Variants in CLCN7 observed in about 807,000 individuals in gnomAD.
CLCN7 encodes the protein H(+)/Cl(-) exchange transporter 7.
In CLCN7, 60 loss-of-function variants were observed where a neutral mutation model predicts 102.1. That is an observed-to-expected ratio of 0.59 (90% CI 0.48 to 0.73). The LOEUF is 0.73. CLCN7 is among the 30% of genes least tolerant of loss of function. CLCN7 has a pLI of 0.00. For synonymous variants in CLCN7, 560 were observed against 490.5 expected, an observed-to-expected ratio of 1.14 and a Z score of -1.87; for missense variants, 962 against 1,125.7, an observed-to-expected ratio of 0.85 and a Z score of 2.08.
chr16:1,471,597 G>C (rs1222901457), intron 1 of CLCN7: 1 of 152,258 alleles, frequency 6.6e-6, no homozygotes, highest in African/African-American at 2.4e-5. Flanking sequence ...TGTGTTGCTG[G>C]TTTTAACACG....
At position 1,465,414 on chromosome 16, in the gene CLCN7, G is replaced by T. The variant is rs12927645; in HGVS notation, c.142-76C>A. On this transcript the variant is annotated intron_variant, in intron 1 of 24. Transcript: ENST00000382745. ...TCCGTGGATTCTCACTCCCGCCGCC[G>T]CACCCTGGCCTCGCCTGACCCTGCC... 170,926 of 1,341,190 alleles carry T rather than the reference G, an allele frequency of 0.13. 12,007 individuals carry two copies. Among genetic ancestry groups the T allele is most frequent in the African/African-American group, 0.22 (14,955 of 69,098 alleles). The allele number at this position is 1,341,190 out of a possible 1,614,324, so 83.1% of individuals were successfully genotyped here.
Position 1,446,089 on chromosome 16 carries a change from C to T in CLCN7, c.*542G>A, listed in dbSNP as rs562556695. The T allele has an allele frequency of 5.1e-6, 3 of 591,188 alleles. No individual in the cohort carries two copies. The highest frequency in any genetic ancestry group is 2.1e-5 in the South Asian group (1 of 48,188). The allele number at this position is 591,188 out of a possible 1,614,324, so 36.6% of individuals were successfully genotyped here. On this transcript the variant is annotated 3_prime_UTR_variant, in exon 25 of 25. Transcript: ENST00000382745. ...GTGAAGCTGCTCTCCGGGGCGGTCG[C>T]AGCCTCCAAACCCTGGTGCTACGAG...
At chr16:1,468,302 G>C (rs1022493992) in intron 1 of CLCN7, among the ~76,000 whole-genome samples, 1 of 152,204 alleles carries the variant, frequency 6.6e-6, no homozygotes, top group Admixed American at 6.5e-5. Context: ...TGGCAGATCC[G>C]AGAGGGGTGA....
chr16:1,446,863 A>G (rs2038654408), intron 24 of CLCN7, 143 bp downstream of exon 24: 1 of 1,103,648 alleles, frequency 9.1e-7, no homozygotes. Flanking sequence ...GGGGCTGGGG[A>G]GGGGTGCAGC....
chr16:1,460,752 G>A, intron 5 of CLCN7, 64 bp downstream of exon 5: 1 of 1,611,186 alleles, frequency 6.2e-7, no homozygotes, highest in Non-Finnish European at 8.5e-7. Flanking sequence ...CAGGACTTCT[G>A]CCCGGGACTC....
At chr16:1,458,516 G>T (rs1475916770) in intron 7 of CLCN7, among the ~76,000 whole-genome samples, 1 of 152,220 alleles carries the variant, frequency 6.6e-6, no homozygotes, top group Non-Finnish European at 1.5e-5. Context: ...TTCGCCAGAG[G>T]GGACACACTG....
rs145267254 is a variant in CLCN7 at position 1,465,268 on chromosome 16, G to A, written c.212C>T (p.Pro71Leu). ...SVELDDELLD[P>L]DMDPPHPFPK... ...GGACGGGGAACACCCCCAACTCACC[G>A]GGTCCAAAAGTTCATCATCCAGCTC... Residue 71 changes from proline to leucine, a missense_variant and splice_region_variant, in exon 2 of 25, where the codon CCG (proline) becomes CTG (leucine). This residue lies in a region of CLCN7 where 163 missense variants were observed against 137.7 expected (regional missense o/e 1.18). Transcript: ENST00000382745. 372 of 1,613,300 alleles carry A rather than the reference G, an allele frequency of 2.3e-4. 1 individual carries two copies. The highest frequency in any genetic ancestry group is 2.8e-4 in the Non-Finnish European group (336 of 1,179,704).
intron 1 of CLCN7, among the ~76,000 whole-genome samples, chr16:1,468,752 C>T (rs1475663304): frequency 7.8e-6 from 1 of 128,816 alleles, no homozygotes; most frequent in Non-Finnish European, 1.7e-5. Flanking sequence ...GGTGCTTACG[C>T]GGATCTACAC....
chr16:1,449,319 C>A lies in CLCN7; in HGVS notation c.1626G>T (p.Ala542=), dbSNP rs147838517. 1,306 of 1,585,946 alleles carry A rather than the reference C, an allele frequency of 8.2e-4. 16 individuals carry two copies. In the African/African-American group the frequency reaches 0.016, roughly 19 times the overall value. The change falls in exon 18 of 25, where the codon GCG becomes GCT. Residue 542 remains alanine, a synonymous_variant. Coordinates refer to ENST00000382745, the MANE Select transcript of CLCN7 (RefSeq NM_001287.6). ...LSYLTGAAIW[A]DPGKYALMGA... ...CCATCAGGGCGTATTTGCCGGGGTC[C>A]GCCCAGATCTGTGGGAGGTGACACG...
chr16:1,472,582 A>C (rs2039092459), intron 1 of CLCN7: 1 of 152,006 alleles, frequency 6.6e-6, no homozygotes, highest in Admixed American at 6.6e-5. Flanking sequence ...CAAAAAATCA[A>C]CTCTTCTATT....
At chr16:1,447,780 T>TCG (rs1245454480) in intron 21 of CLCN7, 66 bp from the exon 22 acceptor site, 32 of 1,509,152 alleles carry the variant, frequency 2.1e-5, no homozygotes, top group Non-Finnish European at 2.4e-5. Flanking sequence ...GAATGCTGTG[T>TCG]CGGGCCCCGC....
chr16:1,460,167 C>T (rs1484209394), intron 6 of CLCN7, among the ~76,000 whole-genome samples: 5 of 151,458 alleles, frequency 3.3e-5, no homozygotes, highest in South Asian at 4.2e-4. Context: ...GAAGGAGGGG[C>T]GGAGTGGGGT....
chr16:1,474,084 C>CAAA (rs55927314), intron 1 of CLCN7: 79 of 407,430 alleles, frequency 1.9e-4, no homozygotes, highest in East Asian at 6.9e-4. Flanking sequence ...AACTCCGTCT[C>CAAA]AAAAAAAAAA....
At chr16:1,449,405 C>G in intron 17 of CLCN7, 78 bp from the exon 18 acceptor site, 1 of 1,404,908 alleles carries the variant, frequency 7.1e-7, no homozygotes, top group Non-Finnish European at 9.9e-7. Flanking sequence ...GGAGGAGGCC[C>G]TGCCCAGGCC....
intron 5 of CLCN7, 130 bp from the exon 6 acceptor site, chr16:1,460,657 C>G: frequency 7.7e-7 from 1 of 1,297,840 alleles, no homozygotes; most frequent in South Asian, 1.2e-5. Context: ...ACTGGACATC[C>G]CAGAGACGTC....
chr16:1,448,872 AC>A (rs1292961626), intron 19 of CLCN7, 93 bp downstream of exon 19: 5 of 1,596,532 alleles, frequency 3.1e-6, no homozygotes, highest in African/African-American at 1.3e-5. Flanking sequence ...CCCTGAGCCT[AC>A]CCCCCGGGAC....
intron 2 of CLCN7, among the ~76,000 whole-genome samples, chr16:1,463,082 G>A (rs989830658): frequency 6.6e-6 from 1 of 152,172 alleles, no homozygotes; most frequent in Non-Finnish European, 1.5e-5. Context: ...AGTGAACCAT[G>A]ATTGCACCAC....
intron 1 of CLCN7, 51 bp downstream of exon 1, chr16:1,474,783 G>A (rs1166244185): frequency 7.1e-5 from 88 of 1,236,272 alleles, no homozygotes; most frequent in Non-Finnish European, 8.3e-5. Flanking sequence ...GGCGCGGGCT[G>A]CGGGGCGCAC....
At chr16:1,470,646 C>A (rs1174245705) in intron 1 of CLCN7, among the ~76,000 whole-genome samples, 1 of 152,194 alleles carries the variant, frequency 6.6e-6, no homozygotes, top group Non-Finnish European at 1.5e-5. Flanking sequence ...AGCAGGGGAA[C>A]CCTCCCAGGC....
Sources: gnomAD v4.1 joint callset for allele counts (sites outside exome capture counted in the v4.1 genomes callset) on GRCh38, gnomAD v4.1.1 for gene constraint, gnomAD v4.1.1 regional missense constraint, MANE v1.5 for transcripts, NCBI Gene and HGNC (gene_info 2026-07-23, HGNC 2026-07-21) for gene names.